The following XKR9 variants were observed in gnomAD, a reference collection of about 807,000 sequenced individuals.
The protein encoded by XKR9 is XK-related protein 9.
XKR9 carries 32 observed loss-of-function variants against 32.0 expected under a neutral mutation model. That is an observed-to-expected ratio of 1.00 (90% CI 0.76 to 1.34). The LOEUF (loss-of-function observed/expected upper bound fraction) is 1.34. Among genes scored for constraint, XKR9 ranks in the 40% most tolerant of loss-of-function variants. The probability of loss-of-function intolerance (pLI) is 0.00; values close to 1 mark genes in which losing one functional copy is unlikely to be tolerated. For synonymous variants in XKR9, 168 were observed against 143.4 expected, an observed-to-expected ratio of 1.17 and a Z score of -1.22; for missense variants, 546 against 429.7, an observed-to-expected ratio of 1.27 and a Z score of -2.39.
downstream of XKR9, among the ~76,000 whole-genome samples, chr8:70,738,572 T>G (rs1754798064): frequency 6.6e-6 from 1 of 151,358 alleles, no homozygotes; most frequent in South Asian, 2.1e-4. Flanking sequence ...AGGGTGTCAA[T>G]TTTTGATCTT....
the XKR9 span, among the ~76,000 whole-genome samples, chr8:71,057,956 G>A: frequency 6.6e-6 from 1 of 152,062 alleles, no homozygotes; most frequent in Non-Finnish European, 1.5e-5. Context: ...AGGCCGAGGT[G>A]GATGGATCAC....
At chr8:70,949,890 CA>C in the XKR9 span, among the ~76,000 whole-genome samples, 1 of 152,216 alleles carries the variant, frequency 6.6e-6, no homozygotes, top group Non-Finnish European at 1.5e-5. Context: ...ATCCTTATAG[CA>C]ATGCTATAAA....
the XKR9 span, among the ~76,000 whole-genome samples, chr8:70,814,006 C>T: frequency 7.3e-4 from 111 of 152,204 alleles, no homozygotes; most frequent in Middle Eastern, 3.4e-3. Context: ...ATGTTTATTG[C>T]GGCATTATTC....
At chr8:70,830,764 C>T in the XKR9 span, among the ~76,000 whole-genome samples, 1 of 152,178 alleles carries the variant, frequency 6.6e-6, no homozygotes, top group Non-Finnish European at 1.5e-5. Context: ...TCATGTCTCA[C>T]AACTACCTTA....
At chr8:70,821,816 T>G in the XKR9 span, among the ~76,000 whole-genome samples, 1 of 152,158 alleles carries the variant, frequency 6.6e-6, no homozygotes, top group African/African-American at 2.4e-5. Flanking sequence ...GCCCGGCCCA[T>G]GAAACCATTT....
the XKR9 span, among the ~76,000 whole-genome samples, chr8:70,803,435 T>C: frequency 6.6e-6 from 1 of 152,350 alleles, no homozygotes; most frequent in East Asian, 1.9e-4. Flanking sequence ...TAAATTCTAC[T>C]TCTGACATTT....
the XKR9 span, among the ~76,000 whole-genome samples, chr8:70,942,691 T>A: frequency 6.6e-6 from 1 of 152,264 alleles, no homozygotes; most frequent in South Asian, 2.1e-4. Context: ...TTTCTAAAAT[T>A]CAGTTTTCAG....
the XKR9 span, among the ~76,000 whole-genome samples, chr8:70,982,885 T>C: frequency 6.6e-6 from 1 of 152,224 alleles, no homozygotes; most frequent in Non-Finnish European, 1.5e-5. Flanking sequence ...TTCTAAGTGG[T>C]ATTTTTACTC....
the XKR9 span, among the ~76,000 whole-genome samples, chr8:71,018,940 T>C: frequency 1.3e-5 from 2 of 152,176 alleles, no homozygotes; most frequent in African/African-American, 4.8e-5. Flanking sequence ...TAAAATTACA[T>C]GGCCCTATTG....
chr8:71,001,408 C>T, the XKR9 span, among the ~76,000 whole-genome samples: 1 of 152,130 alleles, frequency 6.6e-6, no homozygotes, highest in East Asian at 1.9e-4. Flanking sequence ...ACTACAGGCA[C>T]ACACCACCAC....
chr8:70,790,216 A>G (rs905123983), exon 4 of XKR9: 1 of 152,066 alleles, frequency 6.6e-6, no homozygotes, highest in Admixed American at 6.6e-5. Context: ...AATTCCAAAG[A>G]GGAGACCTGT....
the XKR9 span, among the ~76,000 whole-genome samples, chr8:70,834,528 A>G: frequency 2.0e-5 from 3 of 152,132 alleles, no homozygotes; most frequent in Non-Finnish European, 4.4e-5. Flanking sequence ...TTTTGTGCCA[A>G]TCACATTTGA....
the XKR9 span, among the ~76,000 whole-genome samples, chr8:70,903,893 T>C: frequency 6.6e-6 from 1 of 152,248 alleles, no homozygotes; most frequent in South Asian, 2.1e-4. Context: ...CATTTCATTA[T>C]GTACCCAGTA....
At chr8:70,753,728 A>T (rs1807176356) in intron 2 of XKR9, among the ~76,000 whole-genome samples, 1 of 152,020 alleles carries the variant, frequency 6.6e-6, no homozygotes, top group Non-Finnish European at 1.5e-5. Flanking sequence ...CTTCATGCTA[A>T]AAACTCTCAA....
the XKR9 span, among the ~76,000 whole-genome samples, chr8:70,903,126 C>T: frequency 9.6e-4 from 146 of 152,046 alleles, no homozygotes; most frequent in African/African-American, 3.3e-3. Context: ...TTCCGCCAGG[C>T]TTTGGTATCA....
the XKR9 span, among the ~76,000 whole-genome samples, chr8:70,815,509 T>TTTTTTTTATTTATTTA: frequency 1.4e-5 from 2 of 141,762 alleles, no homozygotes; most frequent in Non-Finnish European, 3.0e-5. Flanking sequence ...CATTCCTTTA[T>TTTTTTTTATTTATTTA]TTTATTTATT....
rs773010842 is a variant in XKR9 at position 70,683,537 on chromosome 8, GC to G, written c.272+2209del. ...GGGCCTTGCTCTGTCACCCAGGCTG[GC>G]CTGCAGTGGCGCCTTCCCAGCTCAT... On this transcript the variant is annotated intron_variant, in intron 3 of 4. Coordinates refer to ENST00000408926, the MANE Select transcript of XKR9 (RefSeq NM_001011720.2). 1.6e-4 allele frequency: 74 copies of G among 450,124 alleles called. 4 individuals are homozygous for G. Among genetic ancestry groups the G allele is most frequent in the South Asian group, 1.1e-3 (72 of 64,128 alleles). The allele number at this position is 450,124 out of a possible 1,614,324, so 27.9% of individuals were successfully genotyped here.
At chr8:70,749,939 G>A (rs1346673612) in intron 2 of XKR9, among the ~76,000 whole-genome samples, 2 of 152,172 alleles carry the variant, frequency 1.3e-5, no homozygotes, top group Non-Finnish European at 1.5e-5. Context: ...TTAAATACAA[G>A]TAGTGATTAG....
chr8:70,844,116 A>G, the XKR9 span, among the ~76,000 whole-genome samples: 1 of 152,220 alleles, frequency 6.6e-6, no homozygotes, highest in Non-Finnish European at 1.5e-5. Flanking sequence ...TGCTCTCTGT[A>G]GAGTCTGAGA....
Sources: allele counts gnomAD v4.1 joint callset (sites outside exome capture counted in the v4.1 genomes callset), GRCh38; gene constraint gnomAD v4.1.1; transcripts MANE v1.5; gene names NCBI Gene and HGNC (gene_info 2026-07-23, HGNC 2026-07-21).